The following MMP20 variants were observed in gnomAD, a reference collection of about 807,000 sequenced individuals.
MMP20 encodes matrix metallopeptidase 20.
MMP20 carries 50 observed loss-of-function variants against 51.8 expected under a neutral mutation model. The observed-to-expected ratio is 0.97, with a 90% CI of 0.77 to 1.22. MMP20 has a LOEUF of 1.22. MMP20 is among the 50% of genes most tolerant of loss of function. The pLI is 0.00. For synonymous variants in MMP20, 244 were observed against 216.2 expected (o/e 1.13, Z -1.13); for missense variants, 663 against 601.4 (o/e 1.10, Z -1.07).
chr11:102,600,779 C>T (rs1859436378), intron 6 of MMP20, among the ~76,000 whole-genome samples: 1 of 152,128 alleles, frequency 6.6e-6, no homozygotes, highest in South Asian at 2.1e-4. Flanking sequence ...AGCCATTGCG[C>T]CTGGCCCCAT....
At chr11:102,623,905 G>A (rs1366045847) in intron 1 of MMP20, among the ~76,000 whole-genome samples, 1 of 152,164 alleles carries the variant, frequency 6.6e-6, no homozygotes, top group East Asian at 1.9e-4. Context: ...AAAGCTAGGT[G>A]GCATGGACAA....
chr11:102,601,147 T>A (rs1409971852), intron 6 of MMP20, among the ~76,000 whole-genome samples: 2 of 55,940 alleles, frequency 3.6e-5, no homozygotes, highest in Non-Finnish European at 8.0e-5. Flanking sequence ...TTTTTTTTTT[T>A]TTTGAGACGG....
intron 7 of MMP20, 85 bp from the exon 8 acceptor site, chr11:102,593,680 A>C: frequency 6.8e-7 from 1 of 1,460,542 alleles, no homozygotes; most frequent in East Asian, 2.3e-5. Context: ...AAGGCTCTTA[A>C]ATGGGGTTAG....
chr11:102,601,661 A>G (rs1034497476), intron 6 of MMP20, among the ~76,000 whole-genome samples: 3 of 152,174 alleles, frequency 2.0e-5, no homozygotes, highest in Non-Finnish European at 4.4e-5. Flanking sequence ...GCTTATTTCT[A>G]TGAAACTCCG....
chr11:102,611,989 AT>A, intron 2 of MMP20, 86 bp from the exon 3 acceptor site: 1 of 1,284,512 alleles, frequency 7.8e-7, no homozygotes, highest in East Asian at 2.3e-5. Flanking sequence ...AAAATGTTAA[AT>A]GTAAATCTAC....
chr11:102,622,917 T>C (rs1859768725), intron 1 of MMP20, among the ~76,000 whole-genome samples: 1 of 152,200 alleles, frequency 6.6e-6, no homozygotes, highest in Admixed American at 6.5e-5. Flanking sequence ...TATTAAATAA[T>C]TGTTTCCTGT....
intron 6 of MMP20, among the ~76,000 whole-genome samples, chr11:102,603,783 A>T (rs116961908): frequency 0.012 from 1,898 of 152,254 alleles, 30 homozygotes; most frequent in Non-Finnish European, 0.019. Context: ...AGCTCATTGA[A>T]TCTGAAATGG....
intron 8 of MMP20, among the ~76,000 whole-genome samples, chr11:102,586,961 A>C (rs1432195098): frequency 1.3e-5 from 2 of 152,020 alleles, no homozygotes; most frequent in Non-Finnish European, 2.9e-5. Context: ...TTTCCATTAT[A>C]ATGTTTATAT....
chr11:102,621,179 A>C (rs931753489), intron 1 of MMP20, among the ~76,000 whole-genome samples: 45 of 152,164 alleles, frequency 3.0e-4, no homozygotes, highest in African/African-American at 1.0e-3. Flanking sequence ...GGGCAATTAT[A>C]CCTTTTACAG....
At position 102,608,924 on chromosome 11, in the gene MMP20, GTAATAAT is replaced by G. The variant is rs780838291; in HGVS notation, c.811+6_811+12del. The G allele has an allele frequency of 1.2e-5, 20 of 1,613,622 alleles. No homozygotes were observed. Among genetic ancestry groups the G allele is most frequent in the Admixed American group, 1.7e-5 (1 of 60,020 alleles). On this transcript the variant is annotated splice_donor_region_variant and intron_variant, in intron 5 of 9. Coordinates refer to ENST00000260228, the MANE Select transcript of MMP20 (RefSeq NM_004771.4). ...ATTTCAGGGTGAGTCATCAAAGAAG[GTAATAAT>G]CTTACCGTATAATGCCTGGATCCCT...
At chr11:102,591,720 G>T (rs954670599) in intron 8 of MMP20, among the ~76,000 whole-genome samples, 1 of 152,176 alleles carries the variant, frequency 6.6e-6, no homozygotes, top group Non-Finnish European at 1.5e-5. Flanking sequence ...CACTCACAGA[G>T]GCCCAGTTGG....
intron 1 of MMP20, among the ~76,000 whole-genome samples, chr11:102,619,457 A>G (rs569694088): frequency 6.6e-6 from 1 of 152,354 alleles, no homozygotes; most frequent in Non-Finnish European, 1.5e-5. Context: ...TATAAACATA[A>G]GTGGTATCTA....
rs11225342 is a variant in MMP20 at position 102,606,315 on chromosome 11, T to C, written c.953+220A>G. Among the ~76,000 whole-genome samples, 2,854 of 152,278 alleles carry C rather than the reference T, an allele frequency of 0.019. 97 individuals are homozygous for C. Among genetic ancestry groups the C allele is most frequent in the African/African-American group, 0.065 (2,710 of 41,524 alleles). ...AATAAATATTGTCCATATATGGACA[T>C]AACTTAGCACAGTAGCAAGACCACA... On this transcript the variant is annotated intron_variant, in intron 6 of 9. Coordinates refer to ENST00000260228, the MANE Select transcript of MMP20 (RefSeq NM_004771.4).
intron 1 of MMP20, among the ~76,000 whole-genome samples, chr11:102,617,880 A>G (rs963376765): frequency 2.0e-5 from 3 of 152,130 alleles, no homozygotes; most frequent in African/African-American, 7.2e-5. Context: ...AATTTCACCT[A>G]CTCAGCTGAT....
At chr11:102,607,951 C>G (rs1038209562) in intron 5 of MMP20, 1 of 152,118 alleles carries the variant, frequency 6.6e-6, no homozygotes, top group African/African-American at 2.4e-5. Context: ...GTGCTTTCCC[C>G]CTCCTGGAAA....
intron 8 of MMP20, 96 bp downstream of exon 8, chr11:102,593,343 C>A: frequency 7.2e-7 from 1 of 1,390,606 alleles, no homozygotes; most frequent in African/African-American, 1.5e-5. Flanking sequence ...GGGCCTATCG[C>A]AAACTTGCTT....
At chr11:102,600,127 G>A (rs1284346640) in intron 6 of MMP20, among the ~76,000 whole-genome samples, 2 of 152,250 alleles carry the variant, frequency 1.3e-5, no homozygotes, top group Admixed American at 6.5e-5. Context: ...AATGCCATTT[G>A]TTGGCTTTCA....
intron 6 of MMP20, among the ~76,000 whole-genome samples, chr11:102,596,709 G>C (rs1859385128): frequency 6.6e-6 from 1 of 152,224 alleles, no homozygotes; most frequent in African/African-American, 2.4e-5. Context: ...AGACGGCCCA[G>C]CTCAGGCTCT....
intron 8 of MMP20, among the ~76,000 whole-genome samples, chr11:102,583,900 C>A (rs1364728178): frequency 2.0e-5 from 3 of 152,188 alleles, no homozygotes; most frequent in East Asian, 3.8e-4. Context: ...TCATGACTGA[C>A]ATCTTTCACT....
Sources: allele counts gnomAD v4.1 joint callset (sites outside exome capture counted in the v4.1 genomes callset), GRCh38; gene constraint gnomAD v4.1.1; transcripts MANE v1.5; gene names NCBI Gene and HGNC (gene_info 2026-07-23, HGNC 2026-07-21).